APP: variants seen among roughly 807,000 people sequenced by gnomAD.
APP encodes amyloid beta precursor protein.
Under a neutral mutation model 101.4 loss-of-function variants are expected in APP, and 31 were observed. That is an observed-to-expected ratio of 0.31 (90% CI 0.23 to 0.41). The LOEUF is 0.41. Ranked by LOEUF, APP falls within the 10% of genes least tolerant of loss-of-function variation. The pLI is 1.00. For missense variants in APP, 839 were observed against 1,003.7 expected (o/e 0.84, Z 2.22); for synonymous variants, 366 against 364.4 (o/e 1.00, Z -0.05).
chr21:25,967,516 T>TA (rs1036650727), intron 11 of APP, among the ~76,000 whole-genome samples: 5 of 152,220 alleles, frequency 3.3e-5, no homozygotes, highest in African/African-American at 1.2e-4. Context: ...CCCTTATCTT[T>TA]AAAACAGTTC....
chr21:26,060,177 C>T (rs766077310), intron 3 of APP, among the ~76,000 whole-genome samples: 15 of 152,180 alleles, frequency 9.9e-5, no homozygotes, highest in African/African-American at 1.7e-4. Context: ...TCACCTATTT[C>T]GCACCTACTG....
At chr21:26,140,106 C>T (rs1234052393) in intron 1 of APP, 1 of 1,347,614 alleles carries the variant, frequency 7.4e-7, no homozygotes, top group East Asian at 2.5e-5. Flanking sequence ...TTTCATCTTA[C>T]CCAAATACAG....
intron 3 of APP, among the ~76,000 whole-genome samples, chr21:26,068,882 T>C (rs2046564393): frequency 6.6e-6 from 1 of 152,192 alleles, no homozygotes; most frequent in African/African-American, 2.4e-5. Flanking sequence ...TCACTTAGCA[T>C]TCCCAGTCGC....
chr21:26,040,588 T>G (rs527378004), intron 5 of APP, among the ~76,000 whole-genome samples: 3 of 136,340 alleles, frequency 2.2e-5, no homozygotes, highest in Non-Finnish European at 4.6e-5. Context: ...GGCAACAGAG[T>G]GAGACTCCGT....
At chr21:25,925,220 GA>G (rs59667462) in intron 13 of APP, among the ~76,000 whole-genome samples, 152,212 of 152,214 alleles carry the variant, frequency 1, 76,105 homozygotes, top group Middle Eastern at 1. Flanking sequence ...AGGGCTATGA[GA>G]AACAGATTTA....
intron 3 of APP, among the ~76,000 whole-genome samples, chr21:26,081,672 T>TGTAACAGA: frequency 6.6e-6 from 1 of 152,218 alleles, no homozygotes; most frequent in East Asian, 1.9e-4. Flanking sequence ...AGAATCTCTT[T>TGTAACAGA]ATTGTCACAG....
At chr21:26,037,578 T>C (rs2045175917) in intron 5 of APP, among the ~76,000 whole-genome samples, 1 of 152,194 alleles carries the variant, frequency 6.6e-6, no homozygotes, top group South Asian at 2.1e-4. Flanking sequence ...ATATCTGAGG[T>C]TGGACCATAA....
chr21:25,962,584 C>T (rs1366289051), intron 11 of APP, among the ~76,000 whole-genome samples: 1 of 152,150 alleles, frequency 6.6e-6, no homozygotes, highest in Non-Finnish European at 1.5e-5. Context: ...CATTAATAAA[C>T]CTACTTGATG....
chr21:26,101,869 G>GT (rs911714565), intron 2 of APP, among the ~76,000 whole-genome samples: 10 of 151,936 alleles, frequency 6.6e-5, no homozygotes, highest in Non-Finnish European at 1.5e-4. Flanking sequence ...CAATTTAATT[G>GT]TATTAATAGA....
intron 12 of APP, 59 bp downstream of exon 12, chr21:25,955,568 C>G: frequency 6.2e-7 from 1 of 1,613,000 alleles, no homozygotes; most frequent in South Asian, 1.1e-5. Context: ...GTCACCAACC[C>G]AAGAAGCAAG....
At chr21:25,897,820 A>G (rs1229565650) in intron 15 of APP, 147 bp from the exon 16 acceptor site, 2 of 681,392 alleles carry the variant, frequency 2.9e-6, no homozygotes, top group Non-Finnish European at 5.2e-6. Flanking sequence ...GAAAAATGAT[A>G]CCCTATATTT....
At chr21:25,940,237 GTAA>G (rs1031178766) in intron 13 of APP, among the ~76,000 whole-genome samples, 1 of 152,116 alleles carries the variant, frequency 6.6e-6, no homozygotes, top group African/African-American at 2.4e-5. Flanking sequence ...GATTTTAAAG[GTAA>G]TAATGCTTAT....
At chr21:26,094,920 A>C (rs1378472482) in intron 2 of APP, among the ~76,000 whole-genome samples, 1 of 151,798 alleles carries the variant, frequency 6.6e-6, no homozygotes, top group African/African-American at 2.4e-5. Flanking sequence ...ATCTCAGCTC[A>C]CTGTAACCTC....
chr21:25,969,797 C>G (rs1214753669), intron 11 of APP, among the ~76,000 whole-genome samples: 1 of 142,336 alleles, frequency 7.0e-6, no homozygotes, highest in Non-Finnish European at 1.5e-5. Flanking sequence ...TACGACTGGA[C>G]CACTGCATGC....
At chr21:26,163,500 C>G (rs911244649) in intron 1 of APP, among the ~76,000 whole-genome samples, 4 of 152,124 alleles carry the variant, frequency 2.6e-5, no homozygotes, top group African/African-American at 9.7e-5. Context: ...AATGTTTGTC[C>G]TATTTATTCC....
At chr21:26,145,886 G>A (rs928064993) in intron 1 of APP, among the ~76,000 whole-genome samples, 1 of 151,696 alleles carries the variant, frequency 6.6e-6, no homozygotes, top group Admixed American at 6.6e-5. Flanking sequence ...CACTTTTAAT[G>A]TATCAGCATA....
intron 5 of APP, among the ~76,000 whole-genome samples, chr21:26,032,344 T>C (rs1950236236): frequency 1.3e-5 from 2 of 152,206 alleles, no homozygotes; most frequent in African/African-American, 4.8e-5. Flanking sequence ...ATTCTTTTCC[T>C]TTCTCAAGGA....
At chr21:26,159,429 CA>C (rs2063444941) in intron 1 of APP, among the ~76,000 whole-genome samples, 1 of 152,196 alleles carries the variant, frequency 6.6e-6, no homozygotes, top group Admixed American at 6.5e-5. Flanking sequence ...GTCAACATCA[CA>C]GAAGTCAATC....
chr21:25,990,930 T>C (rs1301220101), intron 8 of APP, among the ~76,000 whole-genome samples: 2 of 152,082 alleles, frequency 1.3e-5, no homozygotes, highest in Non-Finnish European at 2.9e-5. Context: ...TAAGTGCCCA[T>C]CAACCAATGA....
Sources: allele counts gnomAD v4.1 joint callset (sites outside exome capture counted in the v4.1 genomes callset), GRCh38; gene constraint gnomAD v4.1.1; transcripts MANE v1.5; gene names NCBI Gene and HGNC (gene_info 2026-07-23, HGNC 2026-07-21).